Variants in SUGP2 observed in about 807,000 individuals in gnomAD.
SUGP2 encodes SURP and G-patch domain-containing protein 2.
SUGP2 carries 24 observed loss-of-function variants against 90.5 expected under a neutral mutation model. The observed-to-expected ratio is 0.27, with a 90% confidence interval of 0.19 to 0.37. The LOEUF (loss-of-function observed/expected upper bound fraction) is 0.37, where lower values mean the gene tolerates loss of function less well. SUGP2 is among the 10% of genes least tolerant of loss of function. SUGP2 has a pLI of 1.00. For missense variants in SUGP2, 1,233 were observed against 1,363.3 expected, an observed-to-expected ratio of 0.90 and a Z score of 1.51; for synonymous variants, 473 against 513.4, an observed-to-expected ratio of 0.92 and a Z score of 1.06.
At chr19:19,000,825 C>T (rs2057800958) in intron 8 of SUGP2, among the ~76,000 whole-genome samples, 1 of 151,902 alleles carries the variant, frequency 6.6e-6, no homozygotes, top group East Asian at 1.9e-4. Context: ...TCCACCTCAG[C>T]CTCCAGAGTA....
intron 3 of SUGP2, among the ~76,000 whole-genome samples, chr19:19,022,657 T>G (rs1194056407): frequency 1.3e-5 from 2 of 152,236 alleles, no homozygotes; most frequent in East Asian, 3.9e-4. Flanking sequence ...TTATAACCAC[T>G]TTAGGTTATC....
rs777002440 is a variant in SUGP2 at position 19,024,707 on chromosome 19, G to T, written c.1641C>A (p.Ala547=). Residue 547 remains alanine, a synonymous_variant, in exon 3 of 11, where the codon GCC becomes GCA. Transcript: ENST00000452918. ...SSGCPLQVKK[A]EPEPMREEEK... ...CCTCCTCTCGCATCGGCTCTGGTTC[G>T]GCTTTCTTAACCTGGAGGGGACATC... 1 of 1,613,992 alleles carries T rather than the reference G, an allele frequency of 6.2e-7. No homozygotes were observed. The highest frequency in any genetic ancestry group is 1.3e-5 in the African/African-American group (1 of 74,902).
In SUGP2 at chr19:19,008,335, G is replaced by C. The variant is rs780982991; in HGVS notation, c.2432C>G (p.Thr811Ser). The C allele has an allele frequency of 1.2e-6, 2 of 1,614,090 alleles. No homozygotes were observed. The highest frequency in any genetic ancestry group is 2.2e-5 in the East Asian group (1 of 44,890). ...EIEQFSIENS[T>S]DNPDLWFLHD... is the part of the protein sequence containing the mutation. ...TACGTACCACAGGTCAGGGTTATCG[G>C]TGCTGTTTTCTATGCTGAATTGTTC... Residue 811 changes from threonine (T) to serine (S), a missense_variant, in exon 6 of 11, where the codon ACC becomes AGC. Thr to Ser is a moderately conservative substitution (Grantham distance 58). Coordinates refer to ENST00000452918, the MANE Select transcript of SUGP2 (RefSeq NM_001017392.5).
chr19:19,031,391 G>A (rs1442464828), intron 1 of SUGP2, among the ~76,000 whole-genome samples: 8 of 152,150 alleles, frequency 5.3e-5, no homozygotes, highest in East Asian at 3.9e-4. Context: ...AAAATTAGCC[G>A]GGCATGGTGG....
chr19:19,009,345 G>C (rs753145509), intron 5 of SUGP2, among the ~76,000 whole-genome samples: 6 of 151,984 alleles, frequency 3.9e-5, no homozygotes, highest in Non-Finnish European at 5.9e-5. Flanking sequence ...CAGAGAGCAG[G>C]CCTGTGGTAC....
rs149299644 is a variant in SUGP2, at chr19:19,000,710, CTT to C, written c.2991+901_2991+902del. On this transcript the variant is annotated intron_variant, in intron 8 of 10. Transcript: ENST00000452918. ...AATCAGTGCACCTGGATAACTTGAA[CTT>C]TTTTTTTTTTTTTGAGACAGGCTCT... Among the ~76,000 whole-genome samples the C allele has an allele frequency of 8.3e-4, 119 of 143,942 alleles. 1 individual carries two copies. Among genetic ancestry groups the C allele is most frequent in the Middle Eastern group, 3.6e-3 (1 of 274 alleles). 94.4% of individuals were successfully genotyped at this position (143,942 alleles called of 152,430 possible).
In SUGP2 at chr19:19,022,781, G is replaced by C. The variant is rs578051081; in HGVS notation, c.1729+1838C>G. Reference sequence around the variant, plus strand: ...GGATCCCTCTCTGGGAGTAGGTGTGGCCACCTGTATGTGGTGGGACCTATC... The same window carrying C: ...GGATCCCTCTCTGGGAGTAGGTGTGCCCACCTGTATGTGGTGGGACCTATC... On this transcript the variant is annotated intron_variant, in intron 3 of 10. Transcript: ENST00000452918. Among the ~76,000 whole-genome samples the C allele has an allele frequency of 6.6e-5, 10 of 152,298 alleles. No individual in the cohort carries two copies. In the South Asian group the frequency reaches 2.1e-3, roughly 32 times the overall value.
intron 9 of SUGP2, 91 bp from the exon 10 acceptor site, chr19:18,994,577 G>A: frequency 1.3e-5 from 20 of 1,518,222 alleles, no homozygotes; most frequent in Non-Finnish European, 1.8e-5. Context: ...TCCATGAGAT[G>A]CAGGTGTTTG....
intron 4 of SUGP2, among the ~76,000 whole-genome samples, chr19:19,014,202 A>AC (rs2058409276): frequency 6.6e-6 from 1 of 152,168 alleles, no homozygotes; most frequent in African/African-American, 2.4e-5. Flanking sequence ...CATGTTGGCC[A>AC]GGCTGGTCTC....
In SUGP2 at chr19:19,027,888, G is replaced by A. The variant is rs148586869; in HGVS notation, c.122-1662C>T. ...CCTGACCTTGTGATCCGCCCACCTC[G>A]GCCTCCCAAAGTGCTGGGATTACAG... is the stretch of plus-strand genomic sequence containing the variant. On this transcript the variant is annotated intron_variant, in intron 2 of 10. Coordinates refer to ENST00000452918, the MANE Select transcript of SUGP2 (RefSeq NM_001017392.5). 5.3e-3 allele frequency among the ~76,000 whole-genome samples: 807 copies of A among 152,248 alleles called. 11 individuals are homozygous for A. The highest frequency in any genetic ancestry group is 0.018 in the African/African-American group (763 of 41,534).
In SUGP2 at chr19:19,008,205, G is replaced by A; in HGVS notation, c.2450+112C>T. 2.2e-6 allele frequency: 2 copies of A among 912,130 alleles called. 1 individual carries two copies. Among genetic ancestry groups the A allele is most frequent in the South Asian group, 2.7e-5 (2 of 73,116 alleles). The allele number at this position is 912,130 out of a possible 1,614,324, so 56.5% of individuals were successfully genotyped here. ...TGTGGTCCCAGCTACTCTGGAGGCT[G>A]AAACAGGAGGATCACTTGAGCCCAG... On this transcript the variant is annotated intron_variant, in intron 6 of 10. Coordinates refer to ENST00000452918, the MANE Select transcript of SUGP2 (RefSeq NM_001017392.5).
intron 3 of SUGP2, among the ~76,000 whole-genome samples, chr19:19,022,917 C>T (rs541385066): frequency 6.6e-6 from 1 of 152,138 alleles, no homozygotes; most frequent in Non-Finnish European, 1.5e-5. Flanking sequence ...AAAACCACAT[C>T]GTGGGAAAAG....
At chr19:19,033,301 G>T (rs1352231930) in intron 1 of SUGP2, 136 bp downstream of exon 1, 8 of 1,014,834 alleles carry the variant, frequency 7.9e-6, no homozygotes, top group Non-Finnish European at 9.6e-6. Flanking sequence ...CCAACCCGGC[G>T]GGGACGCGGC....
rs1233024554 is a variant in SUGP2 at position 19,004,225 on chromosome 19, A to G, written c.2872T>C (p.Leu958=). The G allele has an allele frequency of 1.2e-6, 2 of 1,604,120 alleles. No homozygotes were observed. Among genetic ancestry groups the G allele is most frequent in the South Asian group, 2.2e-5 (2 of 90,012 alleles). Residue 958 remains leucine (L), a synonymous_variant, in exon 7 of 11, where the codon TTG becomes CTG. Coordinates refer to ENST00000452918, the MANE Select transcript of SUGP2 (RefSeq NM_001017392.5). The part of the protein sequence containing the change: ...FPRKRISSKS[L]KVGMIPAPKR... ...GGAGCTGGAATCATGCCAACCTTCA[A>G]TGACTTGCTGCTGATCCTCTTCCGA...
At chr19:19,027,851 T>G (rs1031330156) in intron 2 of SUGP2, among the ~76,000 whole-genome samples, 5 of 152,218 alleles carry the variant, frequency 3.3e-5, no homozygotes, top group African/African-American at 1.2e-4. Flanking sequence ...TTGGCCAGGC[T>G]GGTCTGGAAC....
At chr19:19,008,504 G>T in intron 5 of SUGP2, 76 bp from the exon 6 acceptor site, 1 of 1,195,840 alleles carries the variant, frequency 8.4e-7, no homozygotes, top group Non-Finnish European at 1.2e-6. Context: ...GGGTTGTGGA[G>T]GCTGATTATA....
intron 4 of SUGP2, among the ~76,000 whole-genome samples, chr19:19,016,200 T>G (rs980838458): frequency 6.6e-6 from 1 of 152,080 alleles, no homozygotes; most frequent in Non-Finnish European, 1.5e-5. Flanking sequence ...GGCTAATTTT[T>G]TTTTGTATTT....
At chr19:19,029,303 G>A (rs1398646368) in intron 2 of SUGP2, among the ~76,000 whole-genome samples, 6 of 151,538 alleles carry the variant, frequency 4.0e-5, no homozygotes, top group East Asian at 4.0e-4. Flanking sequence ...CACCACGCCC[G>A]GCTAATATTT....
At chr19:19,027,571 C>T (rs1165719538) in intron 2 of SUGP2, among the ~76,000 whole-genome samples, 1 of 151,844 alleles carries the variant, frequency 6.6e-6, no homozygotes, top group Non-Finnish European at 1.5e-5. Flanking sequence ...ACGTGGGAAC[C>T]TGAGGAGGCA....
Sources: allele counts gnomAD v4.1 joint callset (sites outside exome capture counted in the v4.1 genomes callset), GRCh38; gene constraint gnomAD v4.1.1; transcripts MANE v1.5; gene names NCBI Gene and HGNC (gene_info 2026-07-23, HGNC 2026-07-21).